The following NEURL1B variants were observed in gnomAD, a reference collection of about 807,000 sequenced individuals.
The protein encoded by NEURL1B is neuralized E3 ubiquitin protein ligase 1B.
In NEURL1B, 13 loss-of-function variants were observed where a neutral mutation model predicts 37.4. That is an observed-to-expected ratio of 0.35 (90% CI 0.23 to 0.55). The LOEUF (loss-of-function observed/expected upper bound fraction) is 0.55, where lower values mean the gene tolerates loss of function less well. Among genes scored for constraint, NEURL1B ranks in the 20% least tolerant of loss-of-function variants. The pLI is 0.89. For missense variants in NEURL1B, 790 were observed against 879.2 expected, an observed-to-expected ratio of 0.90 and a Z score of 1.28; for synonymous variants, 432 against 426.6, an observed-to-expected ratio of 1.01 and a Z score of -0.16.
At chr5:172,663,054 A>AAATAATAATAATAATAATAAT (rs141585182) in intron 1 of NEURL1B, among the ~76,000 whole-genome samples, 276 of 148,082 alleles carry the variant, frequency 1.9e-3, no homozygotes, top group Middle Eastern at 6.9e-3. Flanking sequence ...CTGACTCTAC[A>AAATAATAATAATAATAATAAT]AATAATAATA....
intron 2 of NEURL1B, among the ~76,000 whole-genome samples, chr5:172,670,673 A>T (rs1758112442): frequency 6.6e-6 from 1 of 152,120 alleles, no homozygotes; most frequent in South Asian, 2.1e-4. Flanking sequence ...TCGCTCACTC[A>T]TTCCTTCACT....
chr5:172,663,436 G>A (rs1351619384), intron 1 of NEURL1B, among the ~76,000 whole-genome samples: 10 of 150,126 alleles, frequency 6.7e-5, no homozygotes, highest in East Asian at 3.9e-4. Flanking sequence ...CAGGAGAATC[G>A]CTCGAACCCG....
At chr5:172,669,746 C>A in intron 1 of NEURL1B, 39 bp from the exon 2 acceptor site, 2 of 1,227,970 alleles carry the variant, frequency 1.6e-6, no homozygotes, top group Non-Finnish European at 2.1e-6. Flanking sequence ...CGCAGGAGTT[C>A]GGAGGAGGCC....
chr5:172,665,423 C>T lies in NEURL1B; in HGVS notation c.32-4362C>T, dbSNP rs1475704154. Among the ~76,000 whole-genome samples the T allele has an allele frequency of 6.6e-6, 1 of 152,222 alleles. No individual in the cohort carries two copies. Among genetic ancestry groups the T allele is most frequent in the African/African-American group, 2.4e-5 (1 of 41,460 alleles). On this transcript the variant is annotated intron_variant, in intron 1 of 4. Transcript: ENST00000369800. The surrounding 1 kb of genome is among the most constrained non-coding windows in gnomAD (Gnocchi z 4.1). ...TAACCTCGTGGTTCTAGAGATGGCC[C>T]ACAGCCTGACTCTGCGTCCACCCTC...
chr5:172,641,445 G>A lies in NEURL1B; in HGVS notation c.31+8G>A. On this transcript the variant is annotated splice_region_variant and intron_variant, in intron 1 of 4. Coordinates refer to ENST00000369800, the MANE Select transcript of NEURL1B (RefSeq NM_001142651.3). The surrounding 1 kb of genome is among the most constrained non-coding windows in gnomAD (Gnocchi z 6.4). ...TGCACCGGACCCTGCCAGGTACGCC[G>A]GGGAGCCCTGCCCGGGAGGCGGGCG... 7.6e-7 allele frequency: 1 copy of A among 1,320,176 alleles called. No homozygotes were observed. Among genetic ancestry groups the A allele is most frequent in the Non-Finnish European group, 9.6e-7 (1 of 1,036,900 alleles). 81.8% of individuals were successfully genotyped at this position (1,320,176 alleles called of 1,614,324 possible).
At chr5:172,684,213 C>T (rs1758435241) in intron 3 of NEURL1B, 75 bp downstream of exon 3, 2 of 1,082,626 alleles carry the variant, frequency 1.8e-6, no homozygotes, top group East Asian at 4.2e-5. Context: ...CTGCGCTCTT[C>T]CCCGGCCCCG....
intron 2 of NEURL1B, among the ~76,000 whole-genome samples, chr5:172,680,391 C>T (rs927933339): frequency 1.3e-5 from 2 of 149,142 alleles, no homozygotes; most frequent in Admixed American, 6.7e-5. Context: ...TGTGTGGAGC[C>T]GCTGGGGGAC....
Position 172,686,066 on chromosome 5 carries a change from C to T in NEURL1B, c.1298-105C>T. 1 of 1,366,832 alleles carries T rather than the reference C, an allele frequency of 7.3e-7. No homozygotes were observed. The allele number at this position is 1,366,832 out of a possible 1,614,324, so 84.7% of individuals were successfully genotyped here. A position where few individuals can be genotyped will look rare whatever the true frequency, so the allele number is the denominator to read the frequency against. Reference sequence around the variant, plus strand: ...AGAACCCTGGGAGATACCTCTGGTCCTCTCGTTAGACGGGAAAGCTAAGGT... The same window carrying T: ...AGAACCCTGGGAGATACCTCTGGTCTTCTCGTTAGACGGGAAAGCTAAGGT... On this transcript the variant is annotated intron_variant, in intron 3 of 4. Transcript: ENST00000369800. This position sits in a 1 kb window ranked among gnomAD's most constrained non-coding sequence, Gnocchi z 7.9.
rs959840990 is a variant in NEURL1B at position 172,647,850 on chromosome 5, G to C, written c.31+6413G>C. 1.2e-4 allele frequency among the ~76,000 whole-genome samples: 19 copies of C among 152,056 alleles called. No homozygotes were observed. Among genetic ancestry groups the C allele is most frequent in the African/African-American group, 4.6e-4 (19 of 41,380 alleles). On this transcript the variant is annotated intron_variant, in intron 1 of 4. Coordinates refer to ENST00000369800, the MANE Select transcript of NEURL1B (RefSeq NM_001142651.3). The surrounding 1 kb of genome is among the most constrained non-coding windows in gnomAD (Gnocchi z 4.2). The stretch of plus-strand genomic sequence containing the variant: ...CTGCCCAACTAGGACTCAGGCTCCT[G>C]ACTCATCTGCCTGGTAAAAACTGGC...
intron 1 of NEURL1B, among the ~76,000 whole-genome samples, chr5:172,658,744 G>T (rs1222551283): frequency 1.3e-5 from 2 of 152,020 alleles, no homozygotes; most frequent in African/African-American, 2.4e-5. Flanking sequence ...CCTGGGAGGG[G>T]GTCTGGTAGC....
rs112074811 is a variant in NEURL1B at position 172,676,077 on chromosome 5, G to A, written c.577+5747G>A. Among the ~76,000 whole-genome samples, 2 of 151,980 alleles carry A rather than the reference G, an allele frequency of 1.3e-5. No homozygotes were observed. Among genetic ancestry groups the A allele is most frequent in the South Asian group, 4.2e-4 (2 of 4,798 alleles). ...GATTGAAAAAGCAATGCCAGTCGGG[G>A]GTCATGGCATAGCAGACCATATTGT... On this transcript the variant is annotated intron_variant, in intron 2 of 4. Coordinates refer to ENST00000369800, the MANE Select transcript of NEURL1B (RefSeq NM_001142651.3). This position sits in a 1 kb window ranked among gnomAD's most constrained non-coding sequence, Gnocchi z 4.5.
chr5:172,654,517 A>T (rs1757727368), intron 1 of NEURL1B, among the ~76,000 whole-genome samples: 1 of 152,012 alleles, frequency 6.6e-6, no homozygotes, highest in African/African-American at 2.4e-5. Context: ...TCAGTGGTTA[A>T]TGTTAAATCA....
chr5:172,663,539 A>AAAAAAAAG (rs1757944679), intron 1 of NEURL1B, among the ~76,000 whole-genome samples: 1 of 143,312 alleles, frequency 7.0e-6, no homozygotes. Context: ...AAAAAAAAAA[A>AAAAAAAAG]AAAGCCATGG....
chr5:172,642,164 C>A (rs1257181499), intron 1 of NEURL1B, among the ~76,000 whole-genome samples: 1 of 152,230 alleles, frequency 6.6e-6, no homozygotes, highest in African/African-American at 2.4e-5. Flanking sequence ...CGCGCCCGCG[C>A]GTGCCCGTGG....
chr5:172,654,987 T>C (rs1757738791), intron 1 of NEURL1B, among the ~76,000 whole-genome samples: 1 of 152,052 alleles, frequency 6.6e-6, no homozygotes, highest in Non-Finnish European at 1.5e-5. Context: ...TCTTTCTGTC[T>C]CTTCTCTCTC....
chr5:172,664,193 G>A (rs1304466017), intron 1 of NEURL1B, among the ~76,000 whole-genome samples: 1 of 152,136 alleles, frequency 6.6e-6, no homozygotes, highest in East Asian at 1.9e-4. Flanking sequence ...TTAGGACAGG[G>A]GGAAAAAGCA....
In NEURL1B at chr5:172,665,791, A is replaced by T. The variant is rs1192625827; in HGVS notation, c.32-3994A>T. ...GCTCAGTGGGCATCCCACTATTCCC[A>T]GCCCCTAACTGAGTCCAGGGCCTCC... On this transcript the variant is annotated intron_variant, in intron 1 of 4. Transcript: ENST00000369800. This position sits in a 1 kb window ranked among gnomAD's most constrained non-coding sequence, Gnocchi z 4.1. Among the ~76,000 whole-genome samples the T allele has an allele frequency of 2.1e-5, 3 of 141,354 alleles. No individual in the cohort carries two copies. The Admixed American group carries it at 2.2e-4, about 10-fold the overall frequency. 92.7% of individuals were successfully genotyped at this position (141,354 alleles called of 152,430 possible).
intron 1 of NEURL1B, among the ~76,000 whole-genome samples, chr5:172,656,323 G>C (rs1354463232): frequency 6.6e-6 from 1 of 152,118 alleles, no homozygotes; most frequent in African/African-American, 2.4e-5. Flanking sequence ...ATCGAAAAAG[G>C]TTGCTTTACT....
chr5:172,670,136 A>G lies in NEURL1B; in HGVS notation c.383A>G (p.Tyr128Cys). Residue 128 changes from tyrosine to cysteine, a missense_variant, in exon 2 of 5, where the codon TAC becomes TGC. By Grantham distance (194) the Tyr-to-Cys change is radical (BLOSUM62 -2). This residue lies in a region of NEURL1B where 215 missense variants were observed against 309.2 expected (regional missense o/e 0.70). Coordinates refer to ENST00000369800, the MANE Select transcript of NEURL1B (RefSeq NM_001142651.3). Reference sequence around the variant, plus strand: ...CCGGACCTGGTCACGCGGCCGGGCTACTGGGCCAAGGCACTGCCCGAGAAC... The same window carrying G: ...CCGGACCTGGTCACGCGGCCGGGCTGCTGGGCCAAGGCACTGCCCGAGAAC... ...ACPDLVTRPG[Y>C]WAKALPENLA... is the part of the protein sequence containing the mutation. The G allele has an allele frequency of 6.6e-7, 1 of 1,513,480 alleles. No individual in the cohort carries two copies. The highest frequency in any genetic ancestry group is 8.8e-7 in the Non-Finnish European group (1 of 1,137,366). 93.8% of individuals were successfully genotyped at this position (1,513,480 alleles called of 1,614,324 possible). A position where few individuals can be genotyped will look rare whatever the true frequency, so the allele number is the denominator to read the frequency against.
Sources: allele counts gnomAD v4.1 joint callset (sites outside exome capture counted in the v4.1 genomes callset), GRCh38; gene constraint gnomAD v4.1.1; regional missense constraint gnomAD v4.1.1; non-coding constraint Gnocchi (gnomAD v3.1); transcripts MANE v1.5; gene names NCBI Gene and HGNC (gene_info 2026-07-23, HGNC 2026-07-21).